Variants in ZC3H18 observed in about 807,000 individuals in gnomAD.
ZC3H18 encodes the protein zinc finger CCCH domain-containing protein 18.
In ZC3H18, 8 loss-of-function variants were observed where a neutral mutation model predicts 106.1. That is an observed-to-expected ratio of 0.08 (90% CI 0.04 to 0.14). The LOEUF is 0.14. Ranked by LOEUF, ZC3H18 falls within the 10% of genes least tolerant of loss-of-function variation. The pLI is 1.00. For missense variants in ZC3H18, 1,318 were observed against 1,278.4 expected (o/e 1.03, Z -0.47); for synonymous variants, 635 against 522.1 (o/e 1.22, Z -2.95).
At chr16:88,611,091 C>A (rs565539415) in intron 7 of ZC3H18, among the ~76,000 whole-genome samples, 177 bp from the exon 8 acceptor site, 1 of 152,372 alleles carries the variant, frequency 6.6e-6, no homozygotes, top group South Asian at 2.1e-4. Context: ...CCTCTGTACT[C>A]CACCGCAGAG....
At position 88,598,322 on chromosome 16, in the gene ZC3H18, C is replaced by T. The variant is rs765260154; in HGVS notation, c.833C>T (p.Pro278Leu). ...LGPHPLMPAN[P>L]WGGPVVDEIL... is the part of the protein sequence containing the mutation. ...CCTCACCCGCTGATGCCCGCCAACC[C>T]TTGGGTGCGTGATGCCTCTTCTTTC... Residue 278 changes from proline (P) to leucine (L), a missense_variant, in exon 4 of 18, where the codon CCT becomes CTT. Physicochemically the swap from Pro to Leu is moderately conservative, Grantham distance 98. This residue lies in a region of ZC3H18 where 78 missense variants were observed against 67.3 expected (regional missense o/e 1.16). Transcript: ENST00000301011. The T allele has an allele frequency of 6.3e-6, 10 of 1,596,608 alleles. No homozygotes were observed. The highest frequency in any genetic ancestry group is 7.7e-6 in the Non-Finnish European group (9 of 1,174,446).
At chr16:88,587,824 C>T (rs1203830241) in intron 3 of ZC3H18, among the ~76,000 whole-genome samples, 3 of 152,136 alleles carry the variant, frequency 2.0e-5, no homozygotes, top group South Asian at 2.1e-4. Flanking sequence ...TGGGGTGTGG[C>T]GGAGTCCCAT....
In ZC3H18 at chr16:88,631,780, C is replaced by A; in HGVS notation, c.*481C>A. The A allele has an allele frequency of 3.1e-6, 1 of 318,342 alleles. No homozygotes were observed. Among genetic ancestry groups the A allele is most frequent in the Non-Finnish European group, 6.2e-6 (1 of 160,974 alleles). The allele number at this position is 318,342 out of a possible 1,614,324, so 19.7% of individuals were successfully genotyped here. ...CGGATCAGAAATATATCTATATTCT[C>A]GACTAAAGTCTCATCAGGAAATATT... On this transcript the variant is annotated 3_prime_UTR_variant, in exon 18 of 18. Transcript: ENST00000301011.
chr16:88,613,818 T>C (rs1905408873), intron 8 of ZC3H18, among the ~76,000 whole-genome samples: 1 of 152,240 alleles, frequency 6.6e-6, no homozygotes, highest in Non-Finnish European at 1.5e-5. Context: ...TACCATTGAC[T>C]AATACAGGGT....
chr16:88,630,866 A>G (rs1906641701), intron 17 of ZC3H18, among the ~76,000 whole-genome samples: 1 of 151,832 alleles, frequency 6.6e-6, no homozygotes, highest in African/African-American at 2.4e-5. Context: ...TGGGAAGAAT[A>G]ACAGGAGGTT....
At chr16:88,618,995 G>A (rs1760099673) in intron 8 of ZC3H18, among the ~76,000 whole-genome samples, 1 of 152,152 alleles carries the variant, frequency 6.6e-6, no homozygotes, top group African/African-American at 2.4e-5. Context: ...TGTTTATTTT[G>A]TATCTGCCTG....
At chr16:88,581,695 A>G (rs1225186403) in intron 2 of ZC3H18, among the ~76,000 whole-genome samples, 1 of 152,134 alleles carries the variant, frequency 6.6e-6, no homozygotes, top group Non-Finnish European at 1.5e-5. Flanking sequence ...TGGGTGCAGC[A>G]GGCCTTGTTT....
intron 5 of ZC3H18, 118 bp downstream of exon 5, chr16:88,598,830 C>CT (rs1280936658): frequency 1.1e-6 from 1 of 874,714 alleles, no homozygotes; most frequent in East Asian, 2.7e-5. Flanking sequence ...AGTTAGGCGT[C>CT]TGTTTCTGTG....
intron 3 of ZC3H18, 89 bp downstream of exon 3, chr16:88,586,773 T>C: frequency 9.7e-7 from 1 of 1,034,492 alleles, no homozygotes; most frequent in South Asian, 1.3e-5. Context: ...CAGGCCCTGC[T>C]CTGCTCAAGG....
chr16:88,592,830 G>A (rs1471121148), intron 3 of ZC3H18, among the ~76,000 whole-genome samples: 2 of 152,234 alleles, frequency 1.3e-5, no homozygotes, highest in Non-Finnish European at 2.9e-5. Context: ...TGTCTGTGCT[G>A]TAGTAGTAAG....
chr16:88,572,534 C>T, intron 1 of ZC3H18, among the ~76,000 whole-genome samples: 1 of 152,010 alleles, frequency 6.6e-6, no homozygotes, highest in Admixed American at 6.6e-5. Context: ...ACGATGGGCA[C>T]TTGTTATTTC....
At chr16:88,587,469 C>T (rs924440359) in intron 3 of ZC3H18, 31 of 1,294,246 alleles carry the variant, frequency 2.4e-5, no homozygotes, top group Non-Finnish European at 3.1e-5. Flanking sequence ...GCTGTAAGCC[C>T]ATAGATGACT....
At chr16:88,592,678 A>G (rs1054027892) in intron 3 of ZC3H18, among the ~76,000 whole-genome samples, 1 of 152,062 alleles carries the variant, frequency 6.6e-6, no homozygotes, top group African/African-American at 2.4e-5. Context: ...TTTGTGTTTC[A>G]GTTGGTCAGG....
intron 2 of ZC3H18, among the ~76,000 whole-genome samples, chr16:88,583,853 C>T (rs1473090301): frequency 3.5e-4 from 54 of 152,264 alleles, no homozygotes; most frequent in Non-Finnish European, 1.0e-4. Context: ...ACTCAGGCCC[C>T]TCCTTGTCCT....
rs769959442 is a variant in ZC3H18, at chr16:88,577,143, C to G, written c.20C>G (p.Pro7Arg). 3 of 1,568,750 alleles carry G rather than the reference C, an allele frequency of 1.9e-6. No individual in the cohort carries two copies. The highest frequency in any genetic ancestry group is 2.6e-6 in the Non-Finnish European group (3 of 1,154,884). Residue 7 changes from proline (P) to arginine (R), a missense_variant, in exon 2 of 18, where the codon CCT (proline) becomes CGT (arginine). Transcript: ENST00000301011. The stretch of plus-strand genomic sequence containing the variant: ...GTACCGATGGATGTGGCCGAGAGCC[C>G]TGAACGGGATCCTCACTCTCCAGAG... MDVAES[P>R]ERDPHSPEDE...
In ZC3H18 at chr16:88,577,123, G is replaced by A. The variant is rs758814956; in HGVS notation, c.-1G>A. On this transcript the variant is annotated 5_prime_UTR_variant, in exon 2 of 18. Coordinates refer to ENST00000301011, the MANE Select transcript of ZC3H18 (RefSeq NM_144604.4). ...TCTCTTTTGCAGAACCGTGGGTACC[G>A]ATGGATGTGGCCGAGAGCCCTGAAC... is the stretch of plus-strand genomic sequence containing the variant. 8.5e-6 allele frequency: 13 copies of A among 1,536,114 alleles called. No individual in the cohort carries two copies. Among genetic ancestry groups the A allele is most frequent in the South Asian group, 2.5e-5 (2 of 79,640 alleles).
At chr16:88,604,538 T>G (rs1173187053) in intron 6 of ZC3H18, among the ~76,000 whole-genome samples, 2 of 151,516 alleles carry the variant, frequency 1.3e-5, no homozygotes, top group East Asian at 3.9e-4. Context: ...TACAAAAAAT[T>G]AGCCAGGCGT....
chr16:88,588,990 G>C (rs1436796454), intron 3 of ZC3H18, among the ~76,000 whole-genome samples: 1 of 152,152 alleles, frequency 6.6e-6, no homozygotes, highest in African/African-American at 2.4e-5. Context: ...AGAGTGAGGT[G>C]ATACGGTACA....
chr16:88,580,092 A>G (rs979656681), intron 2 of ZC3H18, among the ~76,000 whole-genome samples: 2 of 148,140 alleles, frequency 1.4e-5, no homozygotes, highest in South Asian at 2.1e-4. Flanking sequence ...TTATGTGTCA[A>G]CCTCAGCATT....
Sources: gnomAD v4.1 joint callset for allele counts (sites outside exome capture counted in the v4.1 genomes callset) on GRCh38, gnomAD v4.1.1 for gene constraint, gnomAD v4.1.1 regional missense constraint, MANE v1.5 for transcripts, NCBI Gene and HGNC (gene_info 2026-07-23, HGNC 2026-07-21) for gene names.